The following EPHX2 variants were observed in gnomAD, a reference collection of about 807,000 sequenced individuals.
EPHX2 encodes the protein epoxide hydrolase 2, also known as bifunctional epoxide hydrolase 2.
Under a neutral mutation model 78.7 loss-of-function variants are expected in EPHX2, and 74 were observed. That is an observed-to-expected ratio of 0.94 (90% confidence interval 0.78 to 1.14). EPHX2 has a LOEUF of 1.14. Among genes scored for constraint, EPHX2 ranks in the 50% most tolerant of loss-of-function variants. The probability of loss-of-function intolerance (pLI) is 0.00; values close to 1 mark genes in which losing one functional copy is unlikely to be tolerated. For missense variants in EPHX2, 715 were observed against 702.5 expected (o/e 1.02, Z -0.20); for synonymous variants, 251 against 255.2 (o/e 0.98, Z 0.16).
chr8:27,535,467 CCCGGCCAAGATTTTTATTATTT>C (rs1815182661), intron 12 of EPHX2, among the ~76,000 whole-genome samples: 1 of 152,126 alleles, frequency 6.6e-6, no homozygotes. Flanking sequence ...AACCACTGCA[CCCGGCCAAGATTTTTATTATTT>C]CTGAGTGGTT....
chr8:27,538,507 G>C lies in EPHX2; in HGVS notation c.1243-152G>C, dbSNP rs905342765. ...TTGGGAGTTCCACATGTTTGTTACA[G>C]TCTGCGTGGTACTCAGAGGTCATTT... is the stretch of plus-strand genomic sequence containing the variant. On this transcript the variant is annotated intron_variant, in intron 13 of 18. Coordinates refer to ENST00000521400, the MANE Select transcript of EPHX2 (RefSeq NM_001979.6). The C allele has an allele frequency of 2.0e-5, 13 of 651,556 alleles. No individual in the cohort carries two copies. In the Admixed American group the frequency reaches 2.4e-4, roughly 12 times the overall value. The allele number at this position is 651,556 out of a possible 1,614,324, so 40.4% of individuals were successfully genotyped here.
chr8:27,491,342 T>C (rs1056232768), intron 1 of EPHX2, 33 bp downstream of exon 1: 21 of 1,424,508 alleles, frequency 1.5e-5, no homozygotes, highest in Non-Finnish European at 1.9e-5. Flanking sequence ...CCGCAGTGGG[T>C]CGGGGCCTCA....
chr8:27,537,342 C>G (rs1815246311), intron 13 of EPHX2, among the ~76,000 whole-genome samples: 1 of 152,186 alleles, frequency 6.6e-6, no homozygotes, highest in South Asian at 2.1e-4. Flanking sequence ...TTCTTTCTTC[C>G]TGAAACATCC....
At chr8:27,504,889 G>C (rs1323249194) in intron 3 of EPHX2, 67 bp from the exon 4 acceptor site, 4 of 1,548,940 alleles carry the variant, frequency 2.6e-6, no homozygotes, top group Admixed American at 1.7e-5. Context: ...GAGTCCCTTG[G>C]GGGTATCTGG....
intron 1 of EPHX2, among the ~76,000 whole-genome samples, chr8:27,497,002 A>G (rs573577002): frequency 6.6e-6 from 1 of 152,334 alleles, no homozygotes; most frequent in East Asian, 1.9e-4. Flanking sequence ...AAAGTCTCCC[A>G]ATTACAACTG....
At chr8:27,522,263 C>A (rs919000100) in intron 10 of EPHX2, among the ~76,000 whole-genome samples, 160 bp from the exon 11 acceptor site, 2 of 151,950 alleles carry the variant, frequency 1.3e-5, no homozygotes, top group African/African-American at 4.8e-5. Flanking sequence ...GGGTCTGTGG[C>A]TGGTGGAGGG....
intron 6 of EPHX2, among the ~76,000 whole-genome samples, chr8:27,513,396 C>T (rs1045441302): frequency 2.6e-5 from 4 of 152,112 alleles, no homozygotes; most frequent in African/African-American, 9.7e-5. Flanking sequence ...GGATTGTAAC[C>T]GTGGACAGGG....
At position 27,543,893 on chromosome 8, in the gene EPHX2, G is replaced by A; in HGVS notation, c.1530+64G>A. 3 of 1,546,454 alleles carry A rather than the reference G, an allele frequency of 1.9e-6. No individual in the cohort carries two copies. The South Asian group carries it at 3.4e-5, about 18-fold the overall frequency. ...CCGGGAGAGGGCACGGGTGCTCAGAGGGAAGACGGCAGCAGAAGATACACC... is the reference window on the plus strand; with the variant it reads ...CCGGGAGAGGGCACGGGTGCTCAGAAGGAAGACGGCAGCAGAAGATACACC... On this transcript the variant is annotated intron_variant, in intron 17 of 18. Transcript: ENST00000521400.
chr8:27,526,191 T>G (rs1465622648), intron 12 of EPHX2, among the ~76,000 whole-genome samples: 1 of 152,246 alleles, frequency 6.6e-6, no homozygotes, highest in African/African-American at 2.4e-5. Context: ...CCTCCACCTC[T>G]GCTCCTCTTA....
Position 27,543,821 on chromosome 8 carries a change from G to A in EPHX2, c.1522G>A (p.Glu508Lys). The A allele has an allele frequency of 6.2e-7, 1 of 1,614,150 alleles. No individual in the cohort carries two copies. The highest frequency in any genetic ancestry group is 8.5e-7 in the Non-Finnish European group (1 of 1,180,032). The change falls in exon 17 of 19, where the codon GAG becomes AAG. Residue 508 changes from glutamate to lysine, a missense_variant. Transcript: ENST00000521400. ...CGTTCCTCAGATGTCCCAGCACATG[G>A]AGGACTGGGTGAGGGAATGGCCCTG... The part of the protein sequence containing the change: ...VLVPQMSQHM[E>K]DWIPHLKRGH...
intron 5 of EPHX2, among the ~76,000 whole-genome samples, chr8:27,510,766 C>T (rs62504286): frequency 0.044 from 6,694 of 151,700 alleles, 192 homozygotes; most frequent in Non-Finnish European, 0.067. Flanking sequence ...CCAGCCTGGG[C>T]AACATAGTAA....
chr8:27,509,755 A>G (rs59365325), intron 5 of EPHX2, among the ~76,000 whole-genome samples: 2,037 of 152,318 alleles, frequency 0.013, 38 homozygotes, highest in African/African-American at 0.046. Flanking sequence ...ATCCCCACAG[A>G]AAAATCACCC....
At position 27,504,998 on chromosome 8, in the gene EPHX2, G is replaced by A. The variant is rs139657060; in HGVS notation, c.389G>A (p.Arg130His). The A allele has an allele frequency of 1.1e-3, 1,847 of 1,614,126 alleles. 3 individuals are homozygous for A. Among genetic ancestry groups the A allele is most frequent in the Non-Finnish European group, 1.3e-3 (1,539 of 1,180,014 alleles). Residue 130 changes from arginine to histidine, a missense_variant, in exon 4 of 19, where the codon CGT becomes CAT. Physicochemically the swap from Arg to His is conservative, Grantham distance 29. Coordinates refer to ENST00000521400, the MANE Select transcript of EPHX2 (RefSeq NM_001979.6). ...AILTNTWLDD[R>H]AERDGLAQLM... is the part of the protein sequence containing the mutation. ...CTCACCAACACCTGGCTGGACGACCGTGCTGAGAGAGATGGCCTGGCCCAG... is the reference window on the plus strand; with the variant it reads ...CTCACCAACACCTGGCTGGACGACCATGCTGAGAGAGATGGCCTGGCCCAG...
chr8:27,519,236 G>A (rs1814563323), intron 9 of EPHX2, among the ~76,000 whole-genome samples: 2 of 152,216 alleles, frequency 1.3e-5, no homozygotes, highest in African/African-American at 4.8e-5. Context: ...GCTGATGAAT[G>A]GATAAATAAA....
chr8:27,526,585 C>G (rs570545641), intron 12 of EPHX2, among the ~76,000 whole-genome samples: 2 of 152,158 alleles, frequency 1.3e-5, no homozygotes, highest in African/African-American at 2.4e-5. Flanking sequence ...GGCTAGGTAG[C>G]TCAACAGACT....
At chr8:27,534,310 C>T (rs1237461284) in intron 12 of EPHX2, among the ~76,000 whole-genome samples, 1 of 152,206 alleles carries the variant, frequency 6.6e-6, no homozygotes, top group Non-Finnish European at 1.5e-5. Flanking sequence ...TGTGCTGCCA[C>T]TGCACAGATC....
At position 27,522,519 on chromosome 8, in the gene EPHX2, C is replaced by T. The variant is rs190553331; in HGVS notation, c.1058+11C>T. The T allele has an allele frequency of 8.1e-6, 13 of 1,613,164 alleles. No individual in the cohort carries two copies. In the East Asian group the frequency reaches 2.5e-4, roughly 30 times the overall value. ...CCCCGAGAGAGTGAGGTAATTGGGC[C>T]TCGGGCAATAAAGATTTGGAGGAGG... On this transcript the variant is annotated intron_variant, in intron 11 of 18. Transcript: ENST00000521400.
rs796592082 is a variant in EPHX2 at position 27,529,625 on chromosome 8, C to CA, written c.1170+4161dup. Among the ~76,000 whole-genome samples, 1,191 of 148,978 alleles carry CA rather than the reference C, an allele frequency of 8.0e-3. 18 individuals are homozygous for CA. Among genetic ancestry groups the CA allele is most frequent in the African/African-American group, 0.026 (1,071 of 40,678 alleles). On this transcript the variant is annotated intron_variant, in intron 12 of 18. Coordinates refer to ENST00000521400, the MANE Select transcript of EPHX2 (RefSeq NM_001979.6). Reference sequence around the variant, plus strand: ...TAGCAAGCTAGAGGCAGATTTCAGGCAAAAAAAAATGCTCTTTTGGGCTGG... The same window carrying CA: ...TAGCAAGCTAGAGGCAGATTTCAGGCAAAAAAAAAATGCTCTTTTGGGCTGG...
intron 12 of EPHX2, among the ~76,000 whole-genome samples, chr8:27,528,477 TC>T (rs1814922704): frequency 6.6e-6 from 1 of 152,166 alleles, no homozygotes; most frequent in Admixed American, 6.5e-5. Context: ...CAAAGGCACT[TC>T]CCATCCCTGG....
Sources: allele counts gnomAD v4.1 joint callset (sites outside exome capture counted in the v4.1 genomes callset), GRCh38; gene constraint gnomAD v4.1.1; transcripts MANE v1.5; gene names NCBI Gene and HGNC (gene_info 2026-07-23, HGNC 2026-07-21).